Variants in RFX4 observed in about 807,000 individuals in gnomAD.
RFX4 encodes transcription factor RFX4.
Under a neutral mutation model 95.0 loss-of-function variants are expected in RFX4, and 10 were observed. The ratio of observed to expected loss-of-function variants is 0.11; its 90% confidence interval spans 0.06 to 0.18. RFX4 has a LOEUF of 0.18. Ranked by LOEUF, RFX4 falls within the 10% of genes least tolerant of loss-of-function variation. The pLI is 1.00. For synonymous variants in RFX4, 321 were observed against 340.7 expected (o/e 0.94, Z 0.64); for missense variants, 640 against 922.0 (o/e 0.69, Z 3.96).
intron 1 of RFX4, among the ~76,000 whole-genome samples, chr12:106,606,255 G>A (rs1592842728): frequency 1.3e-5 from 2 of 152,104 alleles, no homozygotes; most frequent in East Asian, 1.9e-4. Context: ...AAGGGGGATT[G>A]GGGTGTAGAT....
At chr12:106,696,199 T>G (rs912538979) in intron 7 of RFX4, 84 bp from the exon 8 acceptor site, 53 of 1,487,904 alleles carry the variant, frequency 3.6e-5, no homozygotes, top group Admixed American at 2.7e-4. Context: ...CATTGTAGAC[T>G]GGGTTGGCCT....
At chr12:106,688,106 G>A (rs1305914198) in intron 6 of RFX4, among the ~76,000 whole-genome samples, 2 of 117,608 alleles carry the variant, frequency 1.7e-5, no homozygotes, top group Non-Finnish European at 3.2e-5. Context: ...GTCTTGCTCT[G>A]TCATCCAGCC....
intron 1 of RFX4, among the ~76,000 whole-genome samples, chr12:106,605,777 A>G (rs2039818352): frequency 1.3e-5 from 2 of 152,218 alleles, no homozygotes; most frequent in African/African-American, 4.8e-5. Flanking sequence ...TTGTCTTCTC[A>G]TATCTGCAAT....
At chr12:106,590,302 C>T (rs1395217080) in intron 1 of RFX4, among the ~76,000 whole-genome samples, 1 of 152,224 alleles carries the variant, frequency 6.6e-6, no homozygotes, top group Non-Finnish European at 1.5e-5. Context: ...AACATACGTT[C>T]CATACTTACT....
intron 8 of RFX4, among the ~76,000 whole-genome samples, chr12:106,705,149 G>C (rs2042060214): frequency 6.6e-6 from 1 of 152,220 alleles, no homozygotes; most frequent in African/African-American, 2.4e-5. Flanking sequence ...ACTAACAACA[G>C]TATGTACTTC....
intron 2 of RFX4, among the ~76,000 whole-genome samples, chr12:106,622,136 C>G (rs1025539426): frequency 6.6e-6 from 1 of 152,102 alleles, no homozygotes; most frequent in Admixed American, 6.6e-5. Context: ...AGATCTAGAA[C>G]ATGGGCCACC....
At chr12:106,642,924 C>T (rs749719311) in intron 3 of RFX4, among the ~76,000 whole-genome samples, 11 of 152,176 alleles carry the variant, frequency 7.2e-5, no homozygotes, top group Non-Finnish European at 1.2e-4. Context: ...TTAGGGCATG[C>T]GCCCAGCCTC....
intron 1 of RFX4, among the ~76,000 whole-genome samples, chr12:106,600,671 G>C (rs758762298): frequency 6.6e-6 from 1 of 152,062 alleles, no homozygotes; most frequent in Non-Finnish European, 1.5e-5. Flanking sequence ...GAAGTTCCTA[G>C]GAGGGTCTGC....
At position 106,732,906 on chromosome 12, in the gene RFX4, C is replaced by T. The variant is rs1229105389; in HGVS notation, c.1472-18C>T. 1.2e-6 allele frequency: 2 copies of T among 1,609,484 alleles called. No homozygotes were observed. The highest frequency in any genetic ancestry group is 1.7e-6 in the Non-Finnish European group (2 of 1,176,526). On this transcript the variant is annotated intron_variant, in intron 14 of 17. Transcript: ENST00000392842. Reference sequence around the variant, plus strand: ...CTTTACATTTGGTTTTAAAAACTTACCCTATCTCTATCCACAGCAGAAGTC... The same window carrying T: ...CTTTACATTTGGTTTTAAAAACTTATCCTATCTCTATCCACAGCAGAAGTC...
At chr12:106,617,348 A>G (rs546994120) in intron 2 of RFX4, among the ~76,000 whole-genome samples, 8 of 151,986 alleles carry the variant, frequency 5.3e-5, no homozygotes, top group African/African-American at 1.9e-4. Flanking sequence ...TTGATTTTCA[A>G]CCTTTTCTAA....
At chr12:106,607,341 G>A (rs559318083) in intron 1 of RFX4, among the ~76,000 whole-genome samples, 75 of 152,266 alleles carry the variant, frequency 4.9e-4, no homozygotes, top group African/African-American at 1.7e-3. Context: ...AGTTTTGCAC[G>A]TGTTAAATGG....
chr12:106,670,506 G>A (rs1177942946), intron 4 of RFX4, among the ~76,000 whole-genome samples: 1 of 152,142 alleles, frequency 6.6e-6, no homozygotes, highest in African/African-American at 2.4e-5. Flanking sequence ...TTCAGCCCTG[G>A]GGCTTTTCAA....
chr12:106,621,970 G>T (rs898867459), intron 2 of RFX4, among the ~76,000 whole-genome samples: 1 of 152,038 alleles, frequency 6.6e-6, no homozygotes, highest in African/African-American at 2.4e-5. Context: ...ATTTTATCTA[G>T]CTTTTACAAT....
chr12:106,731,981 T>A (rs2042620615), intron 13 of RFX4, 149 bp from the exon 14 acceptor site: 1 of 1,147,010 alleles, frequency 8.7e-7, no homozygotes. Flanking sequence ...AACTGCAACC[T>A]ATGACCATGA....
chr12:106,684,512 G>A (rs925705892), intron 5 of RFX4: 3 of 274,610 alleles, frequency 1.1e-5, no homozygotes, highest in African/African-American at 6.6e-5. Flanking sequence ...CAGAGCAGTA[G>A]CTTCACTGTG....
chr12:106,712,475 T>G (rs191166721), intron 10 of RFX4, among the ~76,000 whole-genome samples: 2 of 152,166 alleles, frequency 1.3e-5, no homozygotes, highest in Admixed American at 1.3e-4. Flanking sequence ...GTTTGCAGCC[T>G]CTCCTTTAAG....
At chr12:106,698,345 C>T (rs1049292276) in intron 8 of RFX4, among the ~76,000 whole-genome samples, 1 of 151,918 alleles carries the variant, frequency 6.6e-6, no homozygotes, top group African/African-American at 2.4e-5. Flanking sequence ...AATCATTGAT[C>T]ACTGCTCACT....
chr12:106,742,298 C>T (rs2042821073), intron 15 of RFX4, among the ~76,000 whole-genome samples: 1 of 152,066 alleles, frequency 6.6e-6, no homozygotes, highest in Non-Finnish European at 1.5e-5. Flanking sequence ...GTGATCCTCC[C>T]GCCTCAGCTT....
At chr12:106,726,517 G>A (rs1653876942) in intron 13 of RFX4, among the ~76,000 whole-genome samples, 1 of 152,122 alleles carries the variant, frequency 6.6e-6, no homozygotes, top group South Asian at 2.1e-4. Flanking sequence ...CTCCAATGAA[G>A]TCAAAAATTA....
Sources: gnomAD v4.1 joint callset for allele counts (sites outside exome capture counted in the v4.1 genomes callset) on GRCh38, gnomAD v4.1.1 for gene constraint, MANE v1.5 for transcripts, NCBI Gene and HGNC (gene_info 2026-07-23, HGNC 2026-07-21) for gene names.